FMN1: variants seen among roughly 807,000 people sequenced by gnomAD.
The protein encoded by FMN1 is formin 1.
A neutral mutation model predicts 132.4 loss-of-function variants in FMN1; 110 were observed. The observed-to-expected ratio is 0.83, with a 90% confidence interval of 0.71 to 0.97. The LOEUF (loss-of-function observed/expected upper bound fraction) is 0.97. Among genes scored for constraint, FMN1 ranks in the 50% least tolerant of loss-of-function variants. The pLI is 0.00. For missense variants in FMN1, 1,792 were observed against 1,705.3 expected, an observed-to-expected ratio of 1.05 and a Z score of -0.90; for synonymous variants, 722 against 651.7, an observed-to-expected ratio of 1.11 and a Z score of -1.64.
chr15:33,090,947 A>G (rs1231245226), intron 4 of FMN1, among the ~76,000 whole-genome samples: 1 of 152,174 alleles, frequency 6.6e-6, no homozygotes, highest in Non-Finnish European at 1.5e-5. Flanking sequence ...CACCTTTGGC[A>G]TAAATTTTTT....
At chr15:33,012,756 C>A in intron 6 of FMN1, 1 of 728,840 alleles carries the variant, frequency 1.4e-6, no homozygotes, top group Non-Finnish European at 2.5e-6. Context: ...GTGGGAACGA[C>A]ATCTTTGGTT....
At chr15:33,157,867 G>T (rs1440846004) in intron 3 of FMN1, among the ~76,000 whole-genome samples, 2 of 151,886 alleles carry the variant, frequency 1.3e-5, no homozygotes, top group African/African-American at 4.8e-5. Flanking sequence ...GTGCAAGCCT[G>T]TACTCCCAGC....
At chr15:32,893,128 G>A (rs1442679182) in intron 15 of FMN1, among the ~76,000 whole-genome samples, 1 of 152,104 alleles carries the variant, frequency 6.6e-6, no homozygotes, top group Non-Finnish European at 1.5e-5. Flanking sequence ...GCTTTGTTAG[G>A]GATACTAGGA....
At chr15:33,068,613 A>AAAAAAAAAAGC in intron 5 of FMN1, among the ~76,000 whole-genome samples, 1 of 145,686 alleles carries the variant, frequency 6.9e-6, no homozygotes, top group Non-Finnish European at 1.5e-5. Flanking sequence ...AAAGCAGTTA[A>AAAAAAAAAAGC]TTTACTGCCC....
intron 16 of FMN1, among the ~76,000 whole-genome samples, chr15:32,876,020 GGTAAA>G (rs1170636033): frequency 6.6e-6 from 1 of 151,906 alleles, no homozygotes; most frequent in Non-Finnish European, 1.5e-5. Context: ...ACCATAGGCA[GGTAAA>G]GTATCACCAT....
rs1316860461 is a variant in FMN1, at chr15:32,988,941, CACA to C, written c.2223+19070_2223+19072del. Among the ~76,000 whole-genome samples, 8 of 152,266 alleles carry C rather than the reference CACA, an allele frequency of 5.3e-5. No individual in the cohort carries two copies. In the East Asian group the frequency reaches 1.3e-3, roughly 26 times the overall value. On this transcript the variant is annotated intron_variant, in intron 7 of 20. Transcript: ENST00000616417. ...TCATCATGCAAATGTTGTCTAAACG[CACA>C]ACATCTGATAAATGCACATTTAAGA...
At chr15:32,828,189 G>A (rs1414625949) in intron 17 of FMN1, among the ~76,000 whole-genome samples, 2 of 151,964 alleles carry the variant, frequency 1.3e-5, no homozygotes, top group Non-Finnish European at 2.9e-5. Context: ...CAGGAGAATC[G>A]TTTGAACTCA....
intron 4 of FMN1, among the ~76,000 whole-genome samples, chr15:33,110,621 G>A (rs1226040948): frequency 1.3e-5 from 2 of 151,116 alleles, no homozygotes; most frequent in African/African-American, 2.4e-5. Context: ...ACGTCCCCCC[G>A]CCCCTCACAT....
At chr15:32,971,141 C>T (rs2031753937) in intron 7 of FMN1, among the ~76,000 whole-genome samples, 1 of 152,168 alleles carries the variant, frequency 6.6e-6, no homozygotes, top group Non-Finnish European at 1.5e-5. Context: ...AAATAATAGC[C>T]ATCTCTAGGA....
At chr15:32,914,265 A>G (rs2060630200) in intron 10 of FMN1, among the ~76,000 whole-genome samples, 2 of 152,338 alleles carry the variant, frequency 1.3e-5, no homozygotes, top group South Asian at 4.1e-4. Context: ...CACTGAAAAC[A>G]CTAATCTATT....
intron 15 of FMN1, among the ~76,000 whole-genome samples, chr15:32,889,469 G>T (rs1207407357): frequency 6.6e-6 from 1 of 152,012 alleles, no homozygotes; most frequent in Admixed American, 6.5e-5. Context: ...GCTTTACAAG[G>T]CACTTTATGA....
intron 17 of FMN1, among the ~76,000 whole-genome samples, chr15:32,825,844 G>A (rs1266501952): frequency 1.3e-5 from 2 of 152,062 alleles, no homozygotes; most frequent in Non-Finnish European, 2.9e-5. Flanking sequence ...ATCTTTGCTC[G>A]GCACAATATC....
chr15:33,186,235 T>C (rs982642659), intron 2 of FMN1, among the ~76,000 whole-genome samples: 4 of 152,138 alleles, frequency 2.6e-5, no homozygotes, highest in African/African-American at 4.8e-5. Context: ...TTTATTTTCA[T>C]TGGTGCTTTT....
At position 32,892,437 on chromosome 15, in the gene FMN1, A is replaced by G. The variant is rs34329329; in HGVS notation, c.3715-4145T>C. 2.9e-3 allele frequency among the ~76,000 whole-genome samples: 441 copies of G among 152,182 alleles called. 3 individuals are homozygous for G. Among genetic ancestry groups the G allele is most frequent in the African/African-American group, 0.01 (428 of 41,506 alleles). On this transcript the variant is annotated intron_variant, in intron 15 of 20. Coordinates refer to ENST00000616417, the MANE Select transcript of FMN1 (RefSeq NM_001277313.2). ...TTGATCCTGGTGGATTATCTTTTTG[A>G]TATGTTGTTGGATGCAGTTAGCTAG...
intron 16 of FMN1, among the ~76,000 whole-genome samples, chr15:32,871,774 G>A (rs558267661): frequency 2.0e-5 from 3 of 152,276 alleles, no homozygotes; most frequent in Admixed American, 1.3e-4. Flanking sequence ...AGAGATTTTG[G>A]AAATAAAACC....
rs548326943 is a variant in FMN1, at chr15:33,126,439, T to TGC, written c.1867+26607_1867+26608dup. ...CTGGAGGGTGAGAGGAGAAGGTGGG[T>TGC]GCAGAGGGCAGAGTGGATCCCATAA... On this transcript the variant is annotated intron_variant, in intron 4 of 20. Transcript: ENST00000616417. Among the ~76,000 whole-genome samples the TGC allele has an allele frequency of 1.4e-4, 21 of 152,206 alleles. No individual in the cohort carries two copies. The East Asian group carries it at 4.1e-3, about 30-fold the overall frequency.
At chr15:32,835,871 A>T (rs553179123) in intron 17 of FMN1, among the ~76,000 whole-genome samples, 2 of 151,840 alleles carry the variant, frequency 1.3e-5, no homozygotes, top group Non-Finnish European at 1.5e-5. Flanking sequence ...TATTATTATT[A>T]TTTTTTTGAG....
intron 8 of FMN1, among the ~76,000 whole-genome samples, chr15:32,965,324 C>T (rs1206989989): frequency 6.6e-5 from 10 of 152,072 alleles, no homozygotes; most frequent in South Asian, 2.1e-4. Flanking sequence ...TGCTTGAACC[C>T]GGGAGGCAGA....
At chr15:32,971,402 A>AC (rs1335496287) in intron 7 of FMN1, among the ~76,000 whole-genome samples, 1 of 152,184 alleles carries the variant, frequency 6.6e-6, no homozygotes, top group African/African-American at 2.4e-5. Context: ...ACCAAAGTTT[A>AC]CCTAGCCTTT....
Sources: gnomAD v4.1 joint callset for allele counts (sites outside exome capture counted in the v4.1 genomes callset) on GRCh38, gnomAD v4.1.1 for gene constraint, MANE v1.5 for transcripts, NCBI Gene and HGNC (gene_info 2026-07-23, HGNC 2026-07-21) for gene names.